HECW1: variants seen among roughly 807,000 people sequenced by gnomAD.
HECW1 encodes HECT, C2 and WW domain containing E3 ubiquitin protein ligase 1.
In HECW1, 61 loss-of-function variants were observed where a neutral mutation model predicts 182.3. The observed-to-expected ratio is 0.33, with a 90% CI of 0.27 to 0.41. The LOEUF is 0.41. Among genes scored for constraint, HECW1 ranks in the 10% least tolerant of loss-of-function variants. The probability of loss-of-function intolerance (pLI) is 1.00; values close to 1 mark genes in which losing one functional copy is unlikely to be tolerated. For synonymous variants in HECW1, 859 were observed against 832.6 expected (o/e 1.03, Z -0.55); for missense variants, 1,739 against 2,108.9 (o/e 0.82, Z 3.44).
chr7:43,499,796 T>A (rs994059176), intron 19 of HECW1, among the ~76,000 whole-genome samples: 1 of 152,114 alleles, frequency 6.6e-6, no homozygotes, highest in Non-Finnish European at 1.5e-5. Flanking sequence ...GGGAAGCAAA[T>A]TAAAAAGTTA....
chr7:43,162,187 TA>T lies in HECW1; in HGVS notation c.-32+47797del, dbSNP rs1790611572. Among the ~76,000 whole-genome samples, 4 of 152,246 alleles carry T rather than the reference TA, an allele frequency of 2.6e-5. No individual in the cohort carries two copies. In the South Asian group the frequency reaches 8.3e-4, roughly 32 times the overall value. On this transcript the variant is annotated intron_variant, in intron 2 of 29. Coordinates refer to ENST00000395891, the MANE Select transcript of HECW1 (RefSeq NM_015052.5). ...GGAATTGAAAAAGAAAGCAAGATGATATTTAGAACTTACTTGTTAGTGGATC... is the reference window on the plus strand; with the variant it reads ...GGAATTGAAAAAGAAAGCAAGATGATTTTAGAACTTACTTGTTAGTGGATC...
intron 3 of HECW1, among the ~76,000 whole-genome samples, chr7:43,267,200 G>A (rs1488286352): frequency 6.6e-6 from 1 of 152,052 alleles, no homozygotes; most frequent in African/African-American, 2.4e-5. Flanking sequence ...GATCTATAAA[G>A]CATCTATACA....
At chr7:43,357,172 C>A (rs369603946) in intron 5 of HECW1, among the ~76,000 whole-genome samples, 15 of 152,168 alleles carry the variant, frequency 9.9e-5, no homozygotes, top group African/African-American at 3.6e-4. Flanking sequence ...TAACAGATTC[C>A]TCAAAAAATT....
intron 19 of HECW1, among the ~76,000 whole-genome samples, chr7:43,498,903 A>G (rs953553239): frequency 6.6e-6 from 1 of 152,186 alleles, no homozygotes; most frequent in Non-Finnish European, 1.5e-5. Context: ...CTAAGTTATG[A>G]TGAAGATTTG....
chr7:43,447,844 G>A (rs191914545), intron 11 of HECW1, among the ~76,000 whole-genome samples: 12 of 152,250 alleles, frequency 7.9e-5, no homozygotes, highest in East Asian at 3.9e-4. Flanking sequence ...TGCATTAGAC[G>A]GCTGGGTGTG....
At chr7:43,206,896 A>G (rs1184013405) in intron 2 of HECW1, among the ~76,000 whole-genome samples, 1 of 152,166 alleles carries the variant, frequency 6.6e-6, no homozygotes, top group Non-Finnish European at 1.5e-5. Flanking sequence ...GTTAACCTTT[A>G]TTATTGATTG....
At chr7:43,144,985 G>A (rs1211816530) in intron 2 of HECW1, among the ~76,000 whole-genome samples, 1 of 152,028 alleles carries the variant, frequency 6.6e-6, no homozygotes, top group Non-Finnish European at 1.5e-5. Flanking sequence ...TATGAATTTA[G>A]ATGTAAATAA....
intron 11 of HECW1, among the ~76,000 whole-genome samples, chr7:43,450,047 A>C (rs1237655812): frequency 6.6e-6 from 1 of 152,140 alleles, no homozygotes; most frequent in Non-Finnish European, 1.5e-5. Context: ...GTTTATTTCT[A>C]AACTTTCTCC....
At chr7:43,158,528 A>G (rs926307798) in intron 2 of HECW1, among the ~76,000 whole-genome samples, 4 of 152,234 alleles carry the variant, frequency 2.6e-5, no homozygotes, top group Non-Finnish European at 5.9e-5. Flanking sequence ...TGTATGATAT[A>G]TATTTCTGAA....
At chr7:43,236,490 A>C (rs1798351640) in intron 2 of HECW1, among the ~76,000 whole-genome samples, 1 of 152,194 alleles carries the variant, frequency 6.6e-6, no homozygotes, top group Non-Finnish European at 1.5e-5. Context: ...TTAGGGAGAC[A>C]TGAGACGTCA....
intron 8 of HECW1, among the ~76,000 whole-genome samples, chr7:43,415,621 C>T (rs1053985429): frequency 5.4e-5 from 8 of 149,516 alleles, no homozygotes; most frequent in South Asian, 2.1e-4. Flanking sequence ...TCCTGCAGAG[C>T]GTTTTCCAAC....
chr7:43,428,358 C>T (rs1215033725), intron 8 of HECW1, among the ~76,000 whole-genome samples: 1 of 152,170 alleles, frequency 6.6e-6, no homozygotes, highest in African/African-American at 2.4e-5. Context: ...CAGGAAGTTG[C>T]CATTCATTCA....
At chr7:43,369,184 C>A (rs575946531) in intron 6 of HECW1, among the ~76,000 whole-genome samples, 1 of 152,100 alleles carries the variant, frequency 6.6e-6, no homozygotes, top group Non-Finnish European at 1.5e-5. Flanking sequence ...TAGGGCCGGG[C>A]GCAGTGGCTC....
rs534210488 is a variant in HECW1, at chr7:43,492,116, C to A, written c.3276C>A (p.Ala1092=). ...VSRNRGASLL[A]RPGHSLVAAI... ...GAAACAGAGGAGCCTCTTTACTGGC[C>A]AGGCCAGGACACAGCTTAGTAGCTG... is the stretch of plus-strand genomic sequence containing the variant. Residue 1092 remains alanine, a synonymous_variant, in exon 18 of 30, where the codon GCC becomes GCA. Coordinates refer to ENST00000395891, the MANE Select transcript of HECW1 (RefSeq NM_015052.5). 3.4e-5 allele frequency: 54 copies of A among 1,603,018 alleles called. No homozygotes were observed. Among genetic ancestry groups the A allele is most frequent in the Non-Finnish European group, 4.2e-5 (49 of 1,177,024 alleles).
intron 16 of HECW1, among the ~76,000 whole-genome samples, chr7:43,472,190 A>G (rs993865158): frequency 6.6e-6 from 1 of 152,224 alleles, no homozygotes; most frequent in African/African-American, 2.4e-5. Flanking sequence ...ACAGCCTCTA[A>G]AGCAGAAGGA....
intron 8 of HECW1, among the ~76,000 whole-genome samples, chr7:43,416,129 T>C (rs1386188326): frequency 6.6e-6 from 1 of 151,322 alleles, no homozygotes; most frequent in Non-Finnish European, 1.5e-5. Context: ...TTCCAGTTTT[T>C]CTGTTCTGTT....
In HECW1 at chr7:43,438,056, C is replaced by T; in HGVS notation, c.855C>T (p.Asp285=). The change falls in exon 9 of 30, where the codon GAC becomes GAT. Residue 285 remains aspartate (D), a synonymous_variant. Coordinates refer to ENST00000395891, the MANE Select transcript of HECW1 (RefSeq NM_015052.5). ...ACGTGCTGGAAATTGAGGTGAAGGACAAGTTTGCCAAGAGCCGCCCCATCA... is the reference window on the plus strand; with the variant it reads ...ACGTGCTGGAAATTGAGGTGAAGGATAAGTTTGCCAAGAGCCGCCCCATCA... ...PTDVLEIEVK[D]KFAKSRPIIK... The T allele has an allele frequency of 3.7e-6, 6 of 1,614,042 alleles. No homozygotes were observed. The highest frequency in any genetic ancestry group is 5.1e-6 in the Non-Finnish European group (6 of 1,179,986).
intron 2 of HECW1, among the ~76,000 whole-genome samples, chr7:43,211,370 C>T (rs1008993966): frequency 6.6e-5 from 10 of 152,178 alleles, no homozygotes; most frequent in Non-Finnish European, 1.3e-4. Context: ...CTTTCTCCTC[C>T]GTGAATGAAT....
chr7:43,290,412 A>G (rs1805253232), intron 3 of HECW1, among the ~76,000 whole-genome samples: 1 of 152,110 alleles, frequency 6.6e-6, no homozygotes, highest in Non-Finnish European at 1.5e-5. Context: ...GGTTTTGTTT[A>G]TAATTTGGTA....
Sources: gnomAD v4.1 joint callset for allele counts (sites outside exome capture counted in the v4.1 genomes callset) on GRCh38, gnomAD v4.1.1 for gene constraint, MANE v1.5 for transcripts, NCBI Gene and HGNC (gene_info 2026-07-23, HGNC 2026-07-21) for gene names.